Variants in C9orf153 observed in about 807,000 individuals in gnomAD.
C9orf153 encodes the protein uncharacterized protein C9orf153.
In C9orf153, 10 loss-of-function variants were observed where a neutral mutation model predicts 9.0. That is an observed-to-expected ratio of 1.11 (90% CI 0.69 to 1.89). The LOEUF (loss-of-function observed/expected upper bound fraction) is 1.89. Among genes scored for constraint, C9orf153 ranks in the 40% most tolerant of loss-of-function variants. The pLI is 0.00. For missense variants in C9orf153, 108 were observed against 111.0 expected (o/e 0.97, Z 0.12); for synonymous variants, 35 against 37.3 (o/e 0.94, Z 0.23).
chr9:86,252,055 G>A (rs2131206279), intron 1 of C9orf153, among the ~76,000 whole-genome samples: 1 of 152,108 alleles, frequency 6.6e-6, no homozygotes, highest in South Asian at 2.1e-4. Context: ...TTTGTTTTGA[G>A]ATGGAGTCTC....
intron 1 of C9orf153, among the ~76,000 whole-genome samples, chr9:86,247,533 T>C (rs1046955998): frequency 6.6e-6 from 1 of 151,984 alleles, no homozygotes; most frequent in Non-Finnish European, 1.5e-5. Flanking sequence ...AATACAAAAC[T>C]TAGCCAGGCA....
At chr9:86,230,274 C>G (rs11141307) in intron 1 of C9orf153, among the ~76,000 whole-genome samples, 19,322 of 152,228 alleles carry the variant, frequency 0.13, 1,563 homozygotes, top group East Asian at 0.38. Context: ...TGTAACAAAT[C>G]CTATATGGAT....
chr9:86,225,439 TTCCTTC>T (rs1237261577), intron 3 of C9orf153, among the ~76,000 whole-genome samples: 1 of 90,746 alleles, frequency 1.1e-5, no homozygotes, highest in Non-Finnish European at 2.3e-5. Flanking sequence ...CCTTCCTTCC[TTCCTTC>T]CTCTCTTTCT....
Position 86,241,666 on chromosome 9 carries a change from G to A in C9orf153, c.-26-12037C>T, listed in dbSNP as rs532899853. 8.6e-5 allele frequency among the ~76,000 whole-genome samples: 13 copies of A among 151,946 alleles called. No homozygotes were observed. The East Asian group carries it at 9.7e-4, about 11-fold the overall frequency. ...TCTGGAGATGGAGTCTTGCTCTGTCGTCCAGGCTGGAATACAGCAGCAAGA... is the reference window on the plus strand; with the variant it reads ...TCTGGAGATGGAGTCTTGCTCTGTCATCCAGGCTGGAATACAGCAGCAAGA... On this transcript the variant is annotated intron_variant, in intron 1 of 3. Coordinates refer to ENST00000339137, the MANE Select transcript of C9orf153 (RefSeq NM_001276366.4).
chr9:86,256,014 T>C (rs1241110023), intron 1 of C9orf153, among the ~76,000 whole-genome samples: 2 of 152,248 alleles, frequency 1.3e-5, no homozygotes, highest in South Asian at 2.1e-4. Context: ...CTCTGTAAGA[T>C]CATCACACCT....
intron 1 of C9orf153, among the ~76,000 whole-genome samples, chr9:86,238,726 A>T (rs1417722602): frequency 1.3e-5 from 2 of 152,162 alleles, no homozygotes; most frequent in African/African-American, 4.8e-5. Context: ...AGAAGTTAGT[A>T]TAACAAATGG....
At chr9:86,239,054 G>A (rs1824668259) in intron 1 of C9orf153, among the ~76,000 whole-genome samples, 1 of 151,714 alleles carries the variant, frequency 6.6e-6, no homozygotes, top group Admixed American at 6.6e-5. Context: ...GAGGTCAGGA[G>A]ATTGAGACCA....
intron 1 of C9orf153, among the ~76,000 whole-genome samples, chr9:86,255,670 C>T (rs1247205316): frequency 2.0e-5 from 3 of 152,186 alleles, no homozygotes; most frequent in Non-Finnish European, 4.4e-5. Flanking sequence ...CTCTTCGTAA[C>T]CTCAAGATGG....
At chr9:86,253,445 G>A (rs1008846057) in intron 1 of C9orf153, among the ~76,000 whole-genome samples, 1 of 152,142 alleles carries the variant, frequency 6.6e-6, no homozygotes, top group Non-Finnish European at 1.5e-5. Context: ...GGTATTACAG[G>A]CACAGTTTGA....
In C9orf153 at chr9:86,245,294, C is replaced by A. The variant is rs983630189; in HGVS notation, c.-27+14256G>T. On this transcript the variant is annotated intron_variant, in intron 1 of 3. Coordinates refer to ENST00000339137, the MANE Select transcript of C9orf153 (RefSeq NM_001276366.4). The stretch of plus-strand genomic sequence containing the variant: ...CATATAACAAAATTTACCATCATAA[C>A]CATTTGTAAGTGTAATATTCAGTAG... 6.6e-5 allele frequency among the ~76,000 whole-genome samples: 10 copies of A among 152,140 alleles called. No individual in the cohort carries two copies. In the South Asian group the frequency reaches 2.1e-3, roughly 32 times the overall value.
chr9:86,234,513 TAGAA>T (rs1339082519), intron 1 of C9orf153, among the ~76,000 whole-genome samples: 1 of 152,166 alleles, frequency 6.6e-6, no homozygotes, highest in Non-Finnish European at 1.5e-5. Flanking sequence ...TATCCACACA[TAGAA>T]GAATGACATT....
intron 1 of C9orf153, among the ~76,000 whole-genome samples, chr9:86,236,328 A>G (rs1824587315): frequency 6.6e-6 from 1 of 152,030 alleles, no homozygotes; most frequent in Non-Finnish European, 1.5e-5. Flanking sequence ...AGGTGGGTGG[A>G]TCATGAAGTC....
chr9:86,241,826 A>G (rs534889015), intron 1 of C9orf153, among the ~76,000 whole-genome samples: 1 of 152,188 alleles, frequency 6.6e-6, no homozygotes, highest in South Asian at 2.1e-4. Context: ...GGACTTCACC[A>G]TGTTGGTCAG....
At chr9:86,229,907 A>C (rs1824431926) in intron 1 of C9orf153, among the ~76,000 whole-genome samples, 1 of 152,122 alleles carries the variant, frequency 6.6e-6, no homozygotes, top group African/African-American at 2.4e-5. Context: ...GGGGAAGGCA[A>C]AGGAGAAGCA....
At chr9:86,235,351 G>A (rs1285436013) in intron 1 of C9orf153, among the ~76,000 whole-genome samples, 1 of 152,184 alleles carries the variant, frequency 6.6e-6, no homozygotes, top group African/African-American at 2.4e-5. Flanking sequence ...CAGAAACACT[G>A]TCAGAGAAAT....
chr9:86,253,675 G>A (rs1194536702), intron 1 of C9orf153, among the ~76,000 whole-genome samples: 2 of 152,160 alleles, frequency 1.3e-5, no homozygotes, highest in Non-Finnish European at 2.9e-5. Flanking sequence ...GCTCACTAAA[G>A]CCTTAAAGTC....
chr9:86,249,097 C>A (rs955456497), intron 1 of C9orf153, among the ~76,000 whole-genome samples: 1 of 152,232 alleles, frequency 6.6e-6, no homozygotes, highest in African/African-American at 2.4e-5. Flanking sequence ...AGATTTCAAT[C>A]CATCATCTTA....
At chr9:86,256,170 T>C (rs1359428405) in intron 1 of C9orf153, among the ~76,000 whole-genome samples, 11 of 152,250 alleles carry the variant, frequency 7.2e-5, no homozygotes, top group Admixed American at 6.5e-4. Context: ...CAGCTGCTTA[T>C]GTAAGATCAT....
At chr9:86,248,180 C>T (rs1824910231) in intron 1 of C9orf153, among the ~76,000 whole-genome samples, 1 of 152,134 alleles carries the variant, frequency 6.6e-6, no homozygotes, top group Admixed American at 6.5e-5. Flanking sequence ...GTTGCCCAGG[C>T]TGGAGTGCAG....
Sources: allele counts gnomAD v4.1 joint callset (sites outside exome capture counted in the v4.1 genomes callset), GRCh38; gene constraint gnomAD v4.1.1; transcripts MANE v1.5; gene names NCBI Gene and HGNC (gene_info 2026-07-23, HGNC 2026-07-21).